The following SARDH variants were observed in gnomAD, a reference collection of about 807,000 sequenced individuals.
The protein encoded by SARDH is sarcosine dehydrogenase.
A neutral mutation model predicts 109.1 loss-of-function variants in SARDH; 95 were observed. That is an observed-to-expected ratio of 0.87 (90% CI 0.74 to 1.03). The LOEUF is 1.03. Ranked by LOEUF, SARDH falls within the 50% of genes least tolerant of loss-of-function variation. The probability of loss-of-function intolerance (pLI) is 0.00; values close to 1 mark genes in which losing one functional copy is unlikely to be tolerated. For synonymous variants in SARDH, 572 were observed against 534.8 expected (o/e 1.07, Z -0.96); for missense variants, 1,267 against 1,287.8 (o/e 0.98, Z 0.25).
chr9:133,722,986 G>A (rs1339709547), intron 6 of SARDH, among the ~76,000 whole-genome samples: 1 of 151,990 alleles, frequency 6.6e-6, no homozygotes, highest in Non-Finnish European at 1.5e-5. Flanking sequence ...CTATACTCTA[G>A]CATTGAATAA....
intron 3 of SARDH, 64 bp downstream of exon 3, chr9:133,732,359 C>A (rs1397312320): frequency 4.0e-6 from 4 of 994,462 alleles, no homozygotes; most frequent in Admixed American, 2.4e-5. Context: ...ACCAATATGA[C>A]CCCCCAGGGA....
rs145933501 is a variant in SARDH, at chr9:133,690,418, G to C, written c.2031C>G (p.Ser677=). ...GGATACTGATCATACCCAGGTCCTC[G>C]GAGCTGTCGATGAGCTGGCACTGGG... ...QKSQCQLIDS[S]EDLGMISIQG... The change falls in exon 16 of 21, where the codon TCC becomes TCG. Residue 677 remains serine, a synonymous_variant. Coordinates refer to ENST00000439388, the MANE Select transcript of SARDH (RefSeq NM_001134707.2). 3 of 1,613,128 alleles carry C rather than the reference G, an allele frequency of 1.9e-6. No individual in the cohort carries two copies. The highest frequency in any genetic ancestry group is 2.5e-6 in the Non-Finnish European group (3 of 1,179,938).
At chr9:133,723,780 T>TA (rs1832402884) in intron 6 of SARDH, among the ~76,000 whole-genome samples, 1 of 152,036 alleles carries the variant, frequency 6.6e-6, no homozygotes, top group African/African-American at 2.4e-5. Context: ...TAAAATAAAA[T>TA]AAATAAACCT....
At chr9:133,668,319 C>CCCTCATTCTCCCTCAG (rs2131319631) in intron 19 of SARDH, among the ~76,000 whole-genome samples, 1 of 129,292 alleles carries the variant, frequency 7.7e-6, no homozygotes, top group South Asian at 2.8e-4. Context: ...CTCTCCCCCA[C>CCCTCATTCTCCCTCAG]CCTCCCTCTC....
chr9:133,694,230 G>T, intron 15 of SARDH, 28 bp downstream of exon 15: 1 of 1,486,908 alleles, frequency 6.7e-7, no homozygotes, highest in Non-Finnish European at 9.2e-7. Flanking sequence ...CGCAGTCACA[G>T]CGCCGTGTGC....
chr9:133,677,377 C>G (rs1187431447), intron 17 of SARDH, among the ~76,000 whole-genome samples: 5 of 152,260 alleles, frequency 3.3e-5, no homozygotes, highest in Admixed American at 3.3e-4. Flanking sequence ...AGGGGATGCA[C>G]CTTCAATCCT....
chr9:133,737,330 C>T (rs1832918756), intron 1 of SARDH, among the ~76,000 whole-genome samples: 1 of 152,212 alleles, frequency 6.6e-6, no homozygotes, highest in Non-Finnish European at 1.5e-5. Context: ...GGTGTTGGAG[C>T]TTGTCCTCAG....
chr9:133,717,190 C>T, intron 8 of SARDH, 136 bp downstream of exon 8: 1 of 1,093,090 alleles, frequency 9.1e-7, no homozygotes, highest in Non-Finnish European at 1.3e-6. Context: ...GCTGCTGGAG[C>T]CAAGCAGCGA....
At position 133,664,150 on chromosome 9, in the gene SARDH, C is replaced by T. The variant is rs528825486; in HGVS notation, c.2632-136G>A. On this transcript the variant is annotated intron_variant, in intron 20 of 20. Coordinates refer to ENST00000439388, the MANE Select transcript of SARDH (RefSeq NM_001134707.2). ...AAACTCATCCCTGTGCCAGGGACTCCTTTCTGAACCCAGGCATTGCCCCAG... is the reference window on the plus strand; with the variant it reads ...AAACTCATCCCTGTGCCAGGGACTCTTTTCTGAACCCAGGCATTGCCCCAG... 2.6e-4 allele frequency: 298 copies of T among 1,166,860 alleles called. 1 individual carries two copies. In the Middle Eastern group the frequency reaches 0.011, roughly 44 times the overall value. 72.3% of individuals were successfully genotyped at this position (1,166,860 alleles called of 1,614,324 possible). A position where few individuals can be genotyped will look rare whatever the true frequency, so the allele number is the denominator to read the frequency against.
At chr9:133,688,565 C>A (rs1208164431) in intron 16 of SARDH, among the ~76,000 whole-genome samples, 1 of 152,076 alleles carries the variant, frequency 6.6e-6, no homozygotes, top group Non-Finnish European at 1.5e-5. Context: ...CCAAGCCCGA[C>A]CATGTTCCTC....
At chr9:133,735,488 G>T (rs1832852731) in intron 1 of SARDH, among the ~76,000 whole-genome samples, 1 of 152,220 alleles carries the variant, frequency 6.6e-6, no homozygotes, top group African/African-American at 2.4e-5. Flanking sequence ...ATGTCTCCTT[G>T]GGTGCAGGCG....
At chr9:133,669,605 C>A (rs186754192) in intron 19 of SARDH, among the ~76,000 whole-genome samples, 1 of 152,142 alleles carries the variant, frequency 6.6e-6, no homozygotes, top group Non-Finnish European at 1.5e-5. Flanking sequence ...TCACGTGCGC[C>A]GGGCTCCAGC....
At chr9:133,711,289 T>A (rs1831909891) in intron 10 of SARDH, among the ~76,000 whole-genome samples, 1 of 152,132 alleles carries the variant, frequency 6.6e-6, no homozygotes, top group Admixed American at 6.5e-5. Context: ...AGAGCTGGAA[T>A]CCCCAAGGGA....
At chr9:133,735,536 G>A (rs1832854642) in intron 1 of SARDH, among the ~76,000 whole-genome samples, 1 of 152,190 alleles carries the variant, frequency 6.6e-6, no homozygotes, top group Non-Finnish European at 1.5e-5. Flanking sequence ...CCATGTCCTG[G>A]GGACGCAGCA....
chr9:133,666,915 G>C lies in SARDH; in HGVS notation c.2496-45C>G, dbSNP rs770908999. 1.1e-5 allele frequency: 17 copies of C among 1,608,334 alleles called. No individual in the cohort carries two copies. In the African/African-American group the frequency reaches 1.9e-4, roughly 18 times the overall value. On this transcript the variant is annotated intron_variant, in intron 19 of 20. Transcript: ENST00000439388. The surrounding 1 kb of genome is among the most constrained non-coding windows in gnomAD (Gnocchi z 5.2). ...AAGCTGGGGCCCCAGAAACCGCAGG[G>C]TGGGGACGCGTCCACAGCGGCCTGG...
At chr9:133,713,864 G>C (rs911342239) in intron 8 of SARDH, among the ~76,000 whole-genome samples, 1 of 152,256 alleles carries the variant, frequency 6.6e-6, no homozygotes, top group Non-Finnish European at 1.5e-5. Flanking sequence ...AGAGCTGTGC[G>C]CTCGCCAGCC....
In SARDH at chr9:133,702,969, GGTAGGCGTAGTCCTCGT is replaced by G. The variant is rs1460734212; in HGVS notation, c.1598_1614del (p.His533ProfsTer34). On this transcript the variant is annotated frameshift_variant, in exon 13 of 21. Transcript: ENST00000439388. LOFTEE classifies it high-confidence loss of function. ...GTGTACTCGTCTGCCAGCAGCCTGC[GGTAGGCGTAGTCCTCGT>G]GCGCGCGGCTCCCGTAAGCCCCGTA... 1.9e-6 allele frequency: 3 copies of G among 1,613,336 alleles called. No homozygotes were observed. Among genetic ancestry groups the G allele is most frequent in the Non-Finnish European group, 2.5e-6 (3 of 1,180,014 alleles).
chr9:133,665,185 C>T (rs1044652576), intron 20 of SARDH, among the ~76,000 whole-genome samples: 1 of 152,128 alleles, frequency 6.6e-6, no homozygotes, highest in African/African-American at 2.4e-5. Flanking sequence ...GGTTCCCCGG[C>T]TGCCTGTCTG....
In SARDH at chr9:133,703,555, C is replaced by T. The variant is rs924677625; in HGVS notation, c.1555-526G>A. 3.2e-5 allele frequency: 5 copies of T among 157,114 alleles called. No homozygotes were observed. In the East Asian group the frequency reaches 7.4e-4, roughly 23 times the overall value. The allele number at this position is 157,114 out of a possible 1,614,324, so 9.7% of individuals were successfully genotyped here. ...AGGCAGGTGCGTGGGCTCCAGAGTC[C>T]AGCTTTTCTGCCACTGCCTTGGCCT... On this transcript the variant is annotated intron_variant, in intron 12 of 20. Coordinates refer to ENST00000439388, the MANE Select transcript of SARDH (RefSeq NM_001134707.2).
Sources: allele counts gnomAD v4.1 joint callset (sites outside exome capture counted in the v4.1 genomes callset), GRCh38; gene constraint gnomAD v4.1.1; non-coding constraint Gnocchi (gnomAD v3.1); transcripts MANE v1.5; gene names NCBI Gene and HGNC (gene_info 2026-07-23, HGNC 2026-07-21).